Variants in AQP9 observed in about 807,000 individuals in gnomAD.
AQP9 encodes the protein aquaporin 9.
In AQP9, 19 loss-of-function variants were observed where a neutral mutation model predicts 23.8. The observed-to-expected ratio is 0.80, with a 90% CI of 0.56 to 1.17. The LOEUF is 1.17. Among genes scored for constraint, AQP9 ranks in the 50% most tolerant of loss-of-function variants. The pLI, the probability that AQP9 is intolerant of heterozygous loss-of-function variation, is 0.00. For missense variants in AQP9, 413 were observed against 362.0 expected (o/e 1.14, Z -1.14); for synonymous variants, 153 against 131.5 (o/e 1.16, Z -1.12).
chr15:58,144,743 C>T (rs909986930), intron 1 of AQP9, among the ~76,000 whole-genome samples: 14 of 152,052 alleles, frequency 9.2e-5, no homozygotes, highest in Non-Finnish European at 1.9e-4. Flanking sequence ...TGGCCAGGCG[C>T]GGTGGCTCAT....
chr15:58,147,388 G>T (rs1898065856), intron 1 of AQP9, among the ~76,000 whole-genome samples: 1 of 152,094 alleles, frequency 6.6e-6, no homozygotes, highest in African/African-American at 2.4e-5. Flanking sequence ...TGGTTCAAAT[G>T]GCTGAAGCAG....
intron 4 of AQP9, among the ~76,000 whole-genome samples, chr15:58,177,611 G>A (rs1319978380): frequency 6.6e-6 from 1 of 152,210 alleles, no homozygotes; most frequent in Non-Finnish European, 1.5e-5. Context: ...CTGCTTACAA[G>A]TTTGACATTG....
chr15:58,139,945 A>C (rs1315649236), intron 1 of AQP9, among the ~76,000 whole-genome samples: 1 of 152,120 alleles, frequency 6.6e-6, no homozygotes. Flanking sequence ...TTCTAACTAA[A>C]ATAAAAGAAA....
intron 2 of AQP9, among the ~76,000 whole-genome samples, chr15:58,167,142 C>T (rs929702199): frequency 6.6e-6 from 1 of 152,178 alleles, no homozygotes; most frequent in Non-Finnish European, 1.5e-5. Flanking sequence ...GTAAATAGCC[C>T]AGTGAAGGTC....
chr15:58,173,764 A>G (rs1235196188), intron 3 of AQP9, among the ~76,000 whole-genome samples: 2 of 152,202 alleles, frequency 1.3e-5, no homozygotes, highest in South Asian at 2.1e-4. Context: ...TGCAACTTAA[A>G]TAAGTCATCT....
chr15:58,143,954 C>T (rs552800689), intron 1 of AQP9, among the ~76,000 whole-genome samples: 6 of 152,218 alleles, frequency 3.9e-5, no homozygotes, highest in African/African-American at 9.6e-5. Flanking sequence ...CTTCCAGTAG[C>T]GACATGAGTT....
rs752717219 is a variant in AQP9 at position 58,175,022 on chromosome 15, G to A, written c.481G>A (p.Ala161Thr). The change falls in exon 4 of 6, where the codon GCA becomes ACA. Residue 161 changes from alanine (A) to threonine (T), a missense_variant. Coordinates refer to ENST00000219919, the MANE Select transcript of AQP9 (RefSeq NM_020980.5). ...YPAPYLSLAN[A>T]FADQVVATMI... ...AGCTCCGTATCTATCTCTGGCGAAC[G>A]CATTTGCAGATCAAGTAAGTGTAGA... 2.7e-5 allele frequency: 44 copies of A among 1,612,960 alleles called. No individual in the cohort carries two copies. The highest frequency in any genetic ancestry group is 2.2e-4 in the South Asian group (20 of 91,074).
chr15:58,184,202 CT>C lies in AQP9; in HGVS notation c.*68del. ...CTTCAGAAAGATGGCATCTAAGTGT[CT>C]GTGTTCTTGTAAGCCTGAGGTGGAA... On this transcript the variant is annotated 3_prime_UTR_variant, in exon 6 of 6. Coordinates refer to ENST00000219919, the MANE Select transcript of AQP9 (RefSeq NM_020980.5). 3 of 1,534,060 alleles carry C rather than the reference CT, an allele frequency of 2.0e-6. No individual in the cohort carries two copies. The highest frequency in any genetic ancestry group is 2.7e-6 in the Non-Finnish European group (3 of 1,123,156).
intron 1 of AQP9, among the ~76,000 whole-genome samples, chr15:58,154,589 A>G (rs1401727965): frequency 5.5e-5 from 2 of 36,082 alleles, no homozygotes; most frequent in Non-Finnish European, 2.5e-4. Context: ...TGACCATCCC[A>G]TCATACTCAT....
At chr15:58,173,835 G>A (rs190908455) in intron 3 of AQP9, among the ~76,000 whole-genome samples, 97 of 152,296 alleles carry the variant, frequency 6.4e-4, no homozygotes, top group African/African-American at 2.1e-3. Context: ...GATGACTCTC[G>A]AGGCCTTTCA....
At chr15:58,182,613 C>T (rs1193397457) in intron 5 of AQP9, among the ~76,000 whole-genome samples, 4 of 152,132 alleles carry the variant, frequency 2.6e-5, no homozygotes, top group Non-Finnish European at 5.9e-5. Context: ...TACAGCCAAA[C>T]GGGAGAGGCA....
At position 58,183,982 on chromosome 15, in the gene AQP9, G is replaced by T; in HGVS notation, c.735G>T (p.Trp245Cys). The change falls in exon 6 of 6, where the codon TGG becomes TGT. Residue 245 changes from tryptophan to cysteine, a missense_variant. Trp to Cys is a radical substitution (Grantham distance 215, BLOSUM62 -2). Transcript: ENST00000219919. ...TCAGAGCTGGAAACAACTTCTGGTG[G>T]ATTCCTGTAGTGGGCCCTTTGGTTG... Reference protein sequence around the residue: ...EVFRAGNNFWWIPVVGPLVGA... With the variant: ...EVFRAGNNFWCIPVVGPLVGA... 1 of 1,613,932 alleles carries T rather than the reference G, an allele frequency of 6.2e-7. No individual in the cohort carries two copies. The highest frequency in any genetic ancestry group is 8.5e-7 in the Non-Finnish European group (1 of 1,179,940).
chr15:58,176,993 T>C (rs1595745696), intron 4 of AQP9, among the ~76,000 whole-genome samples: 3 of 152,204 alleles, frequency 2.0e-5, no homozygotes, highest in Admixed American at 2.0e-4. Context: ...TTATTGTGTA[T>C]AAAGTCAAGT....
chr15:58,140,855 C>G (rs988056702), intron 1 of AQP9, among the ~76,000 whole-genome samples: 4 of 151,998 alleles, frequency 2.6e-5, no homozygotes, highest in African/African-American at 7.3e-5. Flanking sequence ...TCAAACTAAT[C>G]TAACACCATG....
intron 1 of AQP9, among the ~76,000 whole-genome samples, chr15:58,145,201 T>C (rs1173193895): frequency 6.6e-6 from 1 of 151,996 alleles, no homozygotes; most frequent in African/African-American, 2.4e-5. Flanking sequence ...GTGCCCTTTC[T>C]ATTAACGTAT....
rs750086347 is a variant in AQP9 at position 58,166,749 on chromosome 15, G to C, written c.188G>C (p.Gly63Ala). The C allele has an allele frequency of 6.2e-7, 1 of 1,614,000 alleles. No individual in the cohort carries two copies. Among genetic ancestry groups the C allele is most frequent in the Non-Finnish European group, 8.5e-7 (1 of 1,179,882 alleles). The change falls in exon 2 of 6, where the codon GGA becomes GCA. Residue 63 changes from glycine to alanine, a missense_variant. Coordinates refer to ENST00000219919, the MANE Select transcript of AQP9 (RefSeq NM_020980.5). Reference protein sequence around the residue: ...RFGGVITINVGFSMAVAMAIY... With the variant: ...RFGGVITINVAFSMAVAMAIY... ...GGAGGGGTCATCACTATCAATGTTG[G>C]ATTTTCAATGGCAGTTGCAATGGCC...
intron 4 of AQP9, among the ~76,000 whole-genome samples, chr15:58,177,865 T>G (rs1427448574): frequency 6.6e-6 from 1 of 152,244 alleles, no homozygotes; most frequent in African/African-American, 2.4e-5. Context: ...ATTATCATTT[T>G]TGTTTATTGT....
At chr15:58,161,021 G>C (rs1898369058) in intron 1 of AQP9, among the ~76,000 whole-genome samples, 1 of 152,162 alleles carries the variant, frequency 6.6e-6, no homozygotes, top group Non-Finnish European at 1.5e-5. Context: ...GGAATCATGA[G>C]GTAAGGCAAT....
rs1409961700 is a variant in AQP9 at position 58,173,069 on chromosome 15, T to G, written c.240T>G (p.Gly80=). 6 of 1,613,986 alleles carry G rather than the reference T, an allele frequency of 3.7e-6. No individual in the cohort carries two copies. The highest frequency in any genetic ancestry group is 5.1e-6 in the Non-Finnish European group (6 of 1,179,856). The part of the protein sequence containing the change: ...MAIYVAGGVS[G]GHINPAVSLA... ...CACTTCTCCAATCTTCCCTTGCAGG[T>G]GGTCACATCAACCCAGCTGTGTCTT... The change falls in exon 3 of 6, where the codon GGT becomes GGG. Residue 80 remains glycine, a splice_region_variant and synonymous_variant. Coordinates refer to ENST00000219919, the MANE Select transcript of AQP9 (RefSeq NM_020980.5).
Sources: allele counts gnomAD v4.1 joint callset (sites outside exome capture counted in the v4.1 genomes callset), GRCh38; gene constraint gnomAD v4.1.1; transcripts MANE v1.5; gene names NCBI Gene and HGNC (gene_info 2026-07-23, HGNC 2026-07-21).